RSRC1: variants seen among roughly 807,000 people sequenced by gnomAD.
The protein encoded by RSRC1 is serine/Arginine-related protein 53.
Under a neutral mutation model 49.1 loss-of-function variants are expected in RSRC1, and 39 were observed. That is an observed-to-expected ratio of 0.79 (90% CI 0.61 to 1.04). The LOEUF (loss-of-function observed/expected upper bound fraction) is 1.04, where lower values mean the gene tolerates loss of function less well. Among genes scored for constraint, RSRC1 ranks in the 50% least tolerant of loss-of-function variants. RSRC1 has a pLI of 0.00. For synonymous variants in RSRC1, 143 were observed against 130.8 expected (o/e 1.09, Z -0.63); for missense variants, 388 against 402.4 (o/e 0.96, Z 0.31).
chr3:158,373,201 T>A lies in RSRC1; in HGVS notation c.583+18293T>A, dbSNP rs148618320. ...CATATGCAAATAGAGAAAATTTTAT[T>A]TTCAAAACTGGATACCTTTCATTTC... On this transcript the variant is annotated intron_variant, in intron 6 of 9. Transcript: ENST00000611884. Among the ~76,000 whole-genome samples the A allele has an allele frequency of 6.1e-4, 92 of 152,018 alleles. No individual in the cohort carries two copies. The East Asian group carries it at 0.014, about 22-fold the overall frequency.
intron 4 of RSRC1, among the ~76,000 whole-genome samples, chr3:158,277,785 T>A (rs899582828): frequency 6.6e-6 from 1 of 152,190 alleles, no homozygotes; most frequent in Admixed American, 6.5e-5. Context: ...TTATTTTTAT[T>A]TATTTATTTT....
Position 158,132,136 on chromosome 3 carries a change from G to C in RSRC1, c.320+8145G>C, listed in dbSNP as rs147200694. 539 of 450,124 alleles carry C rather than the reference G, an allele frequency of 1.2e-3. 2 individuals carry two copies. The highest frequency in any genetic ancestry group is 0.01 in the African/African-American group (500 of 49,978). The allele number at this position is 450,124 out of a possible 1,614,324, so 27.9% of individuals were successfully genotyped here. A position where few individuals can be genotyped will look rare whatever the true frequency, so the allele number is the denominator to read the frequency against. On this transcript the variant is annotated intron_variant, in intron 3 of 9. Coordinates refer to ENST00000611884, the MANE Select transcript of RSRC1 (RefSeq NM_001271838.2). ...GTAGCTGGGACTACAGGTACACACC[G>C]CCACACCCAACTATGATTTTTGTAT...
At chr3:158,415,699 A>G (rs1578447002) in intron 6 of RSRC1, among the ~76,000 whole-genome samples, 1 of 152,044 alleles carries the variant, frequency 6.6e-6, no homozygotes, top group African/African-American at 2.4e-5. Context: ...AACAAAAACT[A>G]TTGGTTGTTA....
In RSRC1 at chr3:158,199,963, G is replaced by A. The variant is rs1009385654; in HGVS notation, c.321-3109G>A. Among the ~76,000 whole-genome samples the A allele has an allele frequency of 3.5e-5, 5 of 142,052 alleles. No homozygotes were observed. The Admixed American group carries it at 3.6e-4, about 10-fold the overall frequency. The allele number at this position is 142,052 out of a possible 152,430, so 93.2% of individuals were successfully genotyped here. A position where few individuals can be genotyped will look rare whatever the true frequency, so the allele number is the denominator to read the frequency against. On this transcript the variant is annotated intron_variant, in intron 3 of 9. Coordinates refer to ENST00000611884, the MANE Select transcript of RSRC1 (RefSeq NM_001271838.2). ...TTGGGTGACACTCTTAGTTTCTGAA[G>A]TATAGTTTATGTGACATTAATATAT...
chr3:158,479,021 T>G (rs1438736076), intron 7 of RSRC1, among the ~76,000 whole-genome samples: 1 of 149,910 alleles, frequency 6.7e-6, no homozygotes, highest in Admixed American at 6.7e-5. Flanking sequence ...TCATATGGCA[T>G]TTTATTGTTG....
intron 6 of RSRC1, among the ~76,000 whole-genome samples, chr3:158,392,277 G>C (rs1236079130): frequency 6.6e-6 from 1 of 152,072 alleles, no homozygotes; most frequent in Non-Finnish European, 1.5e-5. Context: ...TTTTGGTCCA[G>C]TTGGATCCTA....
rs192761491 is a variant in RSRC1, at chr3:158,198,584, T to C, written c.321-4488T>C. Among the ~76,000 whole-genome samples, 80 of 152,288 alleles carry C rather than the reference T, an allele frequency of 5.3e-4. No homozygotes were observed. The East Asian group carries it at 0.013, about 25-fold the overall frequency. On this transcript the variant is annotated intron_variant, in intron 3 of 9. Transcript: ENST00000611884. ...TAGTTGATGCATTTTCTTCCTAGCC[T>C]CGACGGTCTTTACAATTTGGCATGT... is the stretch of plus-strand genomic sequence containing the variant.
intron 4 of RSRC1, among the ~76,000 whole-genome samples, chr3:158,232,921 G>C (rs1304222158): frequency 6.6e-6 from 1 of 152,060 alleles, no homozygotes; most frequent in Non-Finnish European, 1.5e-5. Context: ...GTTGTCCTTG[G>C]AGTGGTGTTG....
intron 7 of RSRC1, among the ~76,000 whole-genome samples, chr3:158,507,586 G>GA (rs1410396018): frequency 2.0e-5 from 3 of 152,088 alleles, no homozygotes; most frequent in East Asian, 1.9e-4. Context: ...ATGTTGTTCT[G>GA]AAAAAAAGCC....
intron 7 of RSRC1, among the ~76,000 whole-genome samples, chr3:158,528,363 C>G (rs1244044892): frequency 6.6e-6 from 1 of 151,852 alleles, no homozygotes. Context: ...TGATTAATGG[C>G]TTAATTTCTA....
chr3:158,476,646 A>C (rs899702955), intron 7 of RSRC1, among the ~76,000 whole-genome samples: 6 of 152,188 alleles, frequency 3.9e-5, no homozygotes, highest in African/African-American at 1.4e-4. Context: ...CCCACTGTTG[A>C]GGCATACTGC....
chr3:158,384,791 C>T (rs1464561733), intron 6 of RSRC1, among the ~76,000 whole-genome samples: 1 of 152,118 alleles, frequency 6.6e-6, no homozygotes, highest in African/African-American at 2.4e-5. Flanking sequence ...TCAGTGTCTT[C>T]TGTTAGCCAA....
chr3:158,330,368 T>C (rs1729475676), intron 5 of RSRC1, among the ~76,000 whole-genome samples: 1 of 152,230 alleles, frequency 6.6e-6, no homozygotes, highest in Non-Finnish European at 1.5e-5. Flanking sequence ...ATCTTGCTAA[T>C]GTTCTATGAA....
intron 5 of RSRC1, among the ~76,000 whole-genome samples, chr3:158,341,889 C>T (rs542695225): frequency 2.6e-4 from 40 of 152,260 alleles, no homozygotes; most frequent in African/African-American, 8.9e-4. Context: ...CTTGCATCAG[C>T]GTAATCTGAA....
intron 4 of RSRC1, among the ~76,000 whole-genome samples, chr3:158,208,410 C>T (rs1224781805): frequency 6.6e-6 from 1 of 152,168 alleles, no homozygotes; most frequent in African/African-American, 2.4e-5. Flanking sequence ...GTTGCTCAGG[C>T]TGGAGTGCAG....
At chr3:158,225,133 ATGGT>A (rs1722454607) in intron 4 of RSRC1, among the ~76,000 whole-genome samples, 1 of 151,822 alleles carries the variant, frequency 6.6e-6, no homozygotes, top group African/African-American at 2.4e-5. Flanking sequence ...ACAGATCATC[ATGGT>A]AGATGTATAG....
chr3:158,203,250 G>A lies in RSRC1; in HGVS notation c.494+5G>A. 1.3e-6 allele frequency: 2 copies of A among 1,569,646 alleles called. No homozygotes were observed. The highest frequency in any genetic ancestry group is 1.2e-5 in the South Asian group (1 of 85,536). On this transcript the variant is annotated splice_donor_5th_base_variant and intron_variant, in intron 4 of 9. Coordinates refer to ENST00000611884, the MANE Select transcript of RSRC1 (RefSeq NM_001271838.2). ...ATTACATAACATCAAACGTGGGTAA[G>A]TTGGAGCAAATCTTATCTGGTAAGG...
chr3:158,203,369 TAA>T, intron 4 of RSRC1, 124 bp downstream of exon 4: 10 of 968,666 alleles, frequency 1.0e-5, no homozygotes, highest in African/African-American at 1.6e-5. Context: ...GAAAATGGAA[TAA>T]AAAGAGAGAA....
At chr3:158,426,561 A>G (rs1735457479) in intron 6 of RSRC1, among the ~76,000 whole-genome samples, 1 of 151,744 alleles carries the variant, frequency 6.6e-6, no homozygotes, top group South Asian at 2.1e-4. Flanking sequence ...TAATAAGAAT[A>G]TGAAACAGAA....
Sources: gnomAD v4.1 joint callset for allele counts (sites outside exome capture counted in the v4.1 genomes callset) on GRCh38, gnomAD v4.1.1 for gene constraint, MANE v1.5 for transcripts, NCBI Gene and HGNC (gene_info 2026-07-23, HGNC 2026-07-21) for gene names.